GRID2: variants seen among roughly 807,000 people sequenced by gnomAD.
The protein encoded by GRID2 is glutamate receptor ionotropic, delta-2.
Under a neutral mutation model 114.8 loss-of-function variants are expected in GRID2, and 33 were observed. That is an observed-to-expected ratio of 0.29 (90% CI 0.22 to 0.38). GRID2 has a LOEUF of 0.38. Ranked by LOEUF, GRID2 falls within the 10% of genes least tolerant of loss-of-function variation. The pLI, the probability that GRID2 is intolerant of heterozygous loss-of-function variation, is 1.00. For missense variants in GRID2, 1,184 were observed against 1,257.7 expected, an observed-to-expected ratio of 0.94 and a Z score of 0.89; for synonymous variants, 505 against 449.9, an observed-to-expected ratio of 1.12 and a Z score of -1.55.
intron 6 of GRID2, among the ~76,000 whole-genome samples, chr4:93,220,993 A>T (rs1385038289): frequency 6.6e-6 from 1 of 152,154 alleles, no homozygotes; most frequent in Admixed American, 6.6e-5. Context: ...GCACAGATAA[A>T]GTATAGGTTC....
intron 2 of GRID2, among the ~76,000 whole-genome samples, chr4:92,826,391 C>T (rs991985868): frequency 4.6e-5 from 7 of 152,096 alleles, no homozygotes; most frequent in African/African-American, 1.7e-4. Flanking sequence ...CCAGCAATCC[C>T]TAACACACCA....
chr4:92,309,310 T>C (rs2110106727), intron 1 of GRID2, among the ~76,000 whole-genome samples: 1 of 152,152 alleles, frequency 6.6e-6, no homozygotes, highest in East Asian at 1.9e-4. Context: ...AAGTTTTTTT[T>C]CTTCACCTAC....
chr4:93,311,280 A>G (rs982860443), intron 8 of GRID2, among the ~76,000 whole-genome samples: 1 of 152,182 alleles, frequency 6.6e-6, no homozygotes, highest in South Asian at 2.1e-4. Context: ...GGAAGGCGGC[A>G]TGGAAACTAT....
chr4:93,592,315 C>T (rs2149616449), intron 13 of GRID2, among the ~76,000 whole-genome samples: 1 of 152,212 alleles, frequency 6.6e-6, no homozygotes, highest in East Asian at 1.9e-4. Flanking sequence ...TCGTTATGTA[C>T]CCAGTAGTCA....
intron 13 of GRID2, among the ~76,000 whole-genome samples, chr4:93,555,513 C>G (rs1239059434): frequency 6.6e-6 from 1 of 152,200 alleles, no homozygotes; most frequent in Non-Finnish European, 1.5e-5. Context: ...CTGGGCGGAG[C>G]CCACCACAGC....
intron 2 of GRID2, among the ~76,000 whole-genome samples, chr4:92,630,295 G>A (rs139712583): frequency 6.6e-6 from 1 of 152,140 alleles, no homozygotes; most frequent in Non-Finnish European, 1.5e-5. Context: ...CACAAACTCC[G>A]TGTGTATTCT....
downstream of GRID2, among the ~76,000 whole-genome samples, chr4:93,778,205 T>C (rs1734403610): frequency 6.6e-6 from 1 of 152,180 alleles, no homozygotes; most frequent in African/African-American, 2.4e-5. Context: ...TTTCATACTA[T>C]GTAAAAAAGT....
chr4:93,215,190 T>A (rs1744053351), intron 5 of GRID2, among the ~76,000 whole-genome samples: 1 of 151,070 alleles, frequency 6.6e-6, no homozygotes, highest in East Asian at 2.0e-4. Flanking sequence ...TGCTGCTGTT[T>A]GATAAAATGT....
At chr4:93,728,021 C>T (rs1333713803) in intron 14 of GRID2, among the ~76,000 whole-genome samples, 3 of 152,108 alleles carry the variant, frequency 2.0e-5, no homozygotes, top group Non-Finnish European at 4.4e-5. Context: ...TTCTTGCCTT[C>T]TGCTAGCTTT....
chr4:92,363,068 C>G (rs531660011), intron 1 of GRID2, among the ~76,000 whole-genome samples: 1 of 151,916 alleles, frequency 6.6e-6, no homozygotes, highest in Admixed American at 6.6e-5. Flanking sequence ...GTGAATATAC[C>G]TGAGAGGGCA....
intron 13 of GRID2, among the ~76,000 whole-genome samples, chr4:93,601,073 G>A (rs1739630161): frequency 6.6e-6 from 1 of 152,156 alleles, no homozygotes; most frequent in Non-Finnish European, 1.5e-5. Flanking sequence ...CTTAACTGAG[G>A]CAGTAGATTC....
At chr4:93,485,503 G>T (rs1370804331) in intron 11 of GRID2, among the ~76,000 whole-genome samples, 1 of 151,488 alleles carries the variant, frequency 6.6e-6, no homozygotes, top group East Asian at 1.9e-4. Flanking sequence ...AAGCTTTATT[G>T]TTTACCTTTT....
chr4:92,875,263 C>G (rs1745548618), intron 2 of GRID2, among the ~76,000 whole-genome samples: 2 of 149,988 alleles, frequency 1.3e-5, no homozygotes, highest in Non-Finnish European at 3.0e-5. Flanking sequence ...CCCGGGTACA[C>G]GCGATTCTCC....
chr4:93,087,017 GATTT>G lies in GRID2; in HGVS notation c.529+1767_529+1770del, dbSNP rs140238204. Among the ~76,000 whole-genome samples, 132 of 147,628 alleles carry G rather than the reference GATTT, an allele frequency of 8.9e-4. 3 individuals are homozygous for G. The East Asian group carries it at 0.022, about 24-fold the overall frequency. On this transcript the variant is annotated intron_variant, in intron 3 of 15. Coordinates refer to ENST00000282020, the MANE Select transcript of GRID2 (RefSeq NM_001510.4). ...AATTTTCAGTTAGTACTATGAAAGT[GATTT>G]ATTTATTTATTTATTTATTTATTTA... is the stretch of plus-strand genomic sequence containing the variant.
At chr4:93,384,363 C>T (rs188444085) in intron 8 of GRID2, among the ~76,000 whole-genome samples, 1 of 152,254 alleles carries the variant, frequency 6.6e-6, no homozygotes, top group East Asian at 1.9e-4. Flanking sequence ...ATCTTGCAGG[C>T]AGACTACCAC....
intron 2 of GRID2, among the ~76,000 whole-genome samples, chr4:92,613,858 T>G (rs1467243708): frequency 1.3e-5 from 2 of 151,468 alleles, no homozygotes; most frequent in African/African-American, 4.8e-5. Context: ...TGCTCTTTAT[T>G]ATTTCCTTAC....
chr4:93,506,249 G>A (rs1387144987), intron 12 of GRID2, among the ~76,000 whole-genome samples: 7 of 152,066 alleles, frequency 4.6e-5, no homozygotes, highest in Admixed American at 4.6e-4. Flanking sequence ...GAATACTTTC[G>A]TCGGGACAGA....
At chr4:93,684,372 C>T (rs1328323152) in intron 14 of GRID2, among the ~76,000 whole-genome samples, 1 of 152,052 alleles carries the variant, frequency 6.6e-6, no homozygotes. Context: ...TCAGAATATG[C>T]TTAATTGACA....
At chr4:92,499,934 C>T (rs1377960225) in intron 1 of GRID2, among the ~76,000 whole-genome samples, 1 of 152,152 alleles carries the variant, frequency 6.6e-6, no homozygotes, top group African/African-American at 2.4e-5. Context: ...TTTTATACAT[C>T]CAAATTTCTT....
Sources: gnomAD v4.1 joint callset for allele counts (sites outside exome capture counted in the v4.1 genomes callset) on GRCh38, gnomAD v4.1.1 for gene constraint, MANE v1.5 for transcripts, NCBI Gene and HGNC (gene_info 2026-07-23, HGNC 2026-07-21) for gene names.